The following SUFU variants were observed in gnomAD, a reference collection of about 807,000 sequenced individuals.
SUFU encodes the protein SUFU negative regulator of hedgehog signaling, also known as suppressor of fused homolog.
In SUFU, 7 loss-of-function variants were observed where a neutral mutation model predicts 58.9. The ratio of observed to expected loss-of-function variants is 0.12; its 90% CI spans 0.07 to 0.22. The LOEUF is 0.22. SUFU is among the 10% of genes least tolerant of loss of function. SUFU has a pLI of 1.00. For missense variants in SUFU, 451 were observed against 641.3 expected, an observed-to-expected ratio of 0.70 and a Z score of 3.20; for synonymous variants, 232 against 254.8, an observed-to-expected ratio of 0.91 and a Z score of 0.85.
intron 7 of SUFU, among the ~76,000 whole-genome samples, chr10:102,598,714 T>C (rs1251132988): frequency 6.6e-6 from 1 of 152,228 alleles, no homozygotes; most frequent in Non-Finnish European, 1.5e-5. Flanking sequence ...GGCCACTCTT[T>C]GAGCAACTAA....
At chr10:102,532,455 G>A (rs944805569) in intron 2 of SUFU, among the ~76,000 whole-genome samples, 4 of 152,204 alleles carry the variant, frequency 2.6e-5, no homozygotes, top group Non-Finnish European at 5.9e-5. Context: ...GCTCATCTGA[G>A]TGCTATGCTT....
intron 2 of SUFU, among the ~76,000 whole-genome samples, chr10:102,515,967 G>A (rs1400410027): frequency 1.3e-5 from 2 of 152,130 alleles, no homozygotes; most frequent in African/African-American, 4.8e-5. Flanking sequence ...GGCGTCCTTT[G>A]TCACGGCCCA....
chr10:102,529,881 G>A (rs1015937328), intron 2 of SUFU, among the ~76,000 whole-genome samples: 30 of 151,226 alleles, frequency 2.0e-4, no homozygotes, highest in Non-Finnish European at 3.2e-4. Context: ...GGAGGCAGAG[G>A]TTGCAGTGAG....
intron 10 of SUFU, among the ~76,000 whole-genome samples, chr10:102,621,297 G>C (rs373800122): frequency 6.6e-6 from 1 of 152,170 alleles, no homozygotes; most frequent in African/African-American, 2.4e-5. Context: ...TGTCCAGGGG[G>C]ACACCCATTA....
At chr10:102,527,922 A>G (rs184959744) in intron 2 of SUFU, among the ~76,000 whole-genome samples, 6 of 152,350 alleles carry the variant, frequency 3.9e-5, no homozygotes, top group African/African-American at 1.4e-4. Context: ...ACTTAGGCAC[A>G]GAGGGCACCT....
intron 5 of SUFU, 98 bp from the exon 6 acceptor site, chr10:102,593,894 TG>T: frequency 6.8e-7 from 1 of 1,473,990 alleles, no homozygotes; most frequent in Non-Finnish European, 9.5e-7. Flanking sequence ...ACTATTCCCC[TG>T]TGTCCTAGGC....
At chr10:102,592,102 C>T (rs764042504) in intron 3 of SUFU, among the ~76,000 whole-genome samples, 4 of 152,148 alleles carry the variant, frequency 2.6e-5, no homozygotes, top group Non-Finnish European at 4.4e-5. Flanking sequence ...CTCCAAGGTT[C>T]GATGTTTCCT....
intron 8 of SUFU, among the ~76,000 whole-genome samples, chr10:102,605,903 G>A (rs1207082650): frequency 6.6e-6 from 1 of 152,128 alleles, no homozygotes; most frequent in African/African-American, 2.4e-5. Flanking sequence ...CAAGGAGAAG[G>A]CCCCAAGTCG....
chr10:102,596,454 G>C (rs1335997980), intron 6 of SUFU, among the ~76,000 whole-genome samples: 1 of 152,186 alleles, frequency 6.6e-6, no homozygotes, highest in African/African-American at 2.4e-5. Context: ...CCTGCACAAA[G>C]GCAGGGTCTC....
intron 3 of SUFU, chr10:102,591,642 GCTGT>G (rs1026137765): frequency 1.3e-5 from 2 of 152,024 alleles, no homozygotes; most frequent in African/African-American, 4.8e-5. Context: ...AAAAAAAGGT[GCTGT>G]CTAAGATATA....
chr10:102,621,326 T>C (rs1346346188), intron 10 of SUFU, among the ~76,000 whole-genome samples: 1 of 152,114 alleles, frequency 6.6e-6, no homozygotes, highest in African/African-American at 2.4e-5. Context: ...AGCCCAGCAA[T>C]GCGCCTGGGG....
chr10:102,531,081 C>CA (rs2062672410), intron 2 of SUFU, among the ~76,000 whole-genome samples: 1 of 26,700 alleles, frequency 3.7e-5, no homozygotes, highest in African/African-American at 1.4e-4. Context: ...CCCATTTCTA[C>CA]CAAAAAAAAA....
intron 3 of SUFU, chr10:102,579,896 A>G (rs2063255163): frequency 5.1e-6 from 5 of 983,172 alleles, no homozygotes; most frequent in Non-Finnish European, 6.0e-6. Flanking sequence ...CTTCTACCAC[A>G]TGACCAAGTT....
At chr10:102,615,163 A>C (rs1280528218) in intron 8 of SUFU, 105 bp from the exon 9 acceptor site, 1 of 1,512,370 alleles carries the variant, frequency 6.6e-7, no homozygotes, top group African/African-American at 1.4e-5. Flanking sequence ...ATCATCAGTC[A>C]CCATTATTGT....
chr10:102,553,126 A>G (rs983256927), intron 3 of SUFU, among the ~76,000 whole-genome samples: 1 of 152,134 alleles, frequency 6.6e-6, no homozygotes, highest in African/African-American at 2.4e-5. Context: ...TTGACTTTCT[A>G]TTTTCCAGAT....
intron 3 of SUFU, among the ~76,000 whole-genome samples, chr10:102,568,796 C>T (rs2063120198): frequency 6.9e-6 from 1 of 145,422 alleles, no homozygotes; most frequent in Admixed American, 7.0e-5. Flanking sequence ...ATCACTTGAA[C>T]CTGGGAGGCG....
intron 3 of SUFU, among the ~76,000 whole-genome samples, chr10:102,588,463 T>C (rs1245576881): frequency 6.6e-6 from 1 of 152,140 alleles, no homozygotes; most frequent in Non-Finnish European, 1.5e-5. Context: ...CTCTCAATTC[T>C]ATTACATTGA....
In SUFU at chr10:102,599,489, G is replaced by A. The variant is rs1420089970; in HGVS notation, c.967G>A (p.Val323Ile). ...AGGACTCGAGATCAACAGCAAACCT[G>A]TCCTTCCACCAATCAACCCTCAGCG... is the stretch of plus-strand genomic sequence containing the variant. ...RRGLEINSKPVLPPINPQRQN... is the reference protein window; with the variant it reads ...RRGLEINSKPILPPINPQRQN... Residue 323 changes from valine to isoleucine, a missense_variant, in exon 8 of 12, where the codon GTC (valine) becomes ATC (isoleucine). Physicochemically the swap from Val to Ile is conservative, Grantham distance 29. Transcript: ENST00000369902. The A allele has an allele frequency of 8.1e-6, 13 of 1,614,052 alleles. No homozygotes were observed. The highest frequency in any genetic ancestry group is 1.1e-5 in the Non-Finnish European group (13 of 1,180,042).
At position 102,633,511 on chromosome 10, in the gene SUFU, G is replaced by T. The variant is rs12251065; in HGVS notation, c.*3356G>T. On this transcript the variant is annotated 3_prime_UTR_variant, in exon 12 of 12. Coordinates refer to ENST00000369902, the MANE Select transcript of SUFU (RefSeq NM_016169.4). ...CTGAAGTAGTGGAGCCGGAAGCCCG[G>T]GGCCCTGGCAGAGGGAGTGGGTTGT... is the stretch of plus-strand genomic sequence containing the variant. 0.012 allele frequency: 2,592 copies of T among 211,456 alleles called. 68 individuals carry two copies. Among genetic ancestry groups the T allele is most frequent in the African/African-American group, 0.056 (2,453 of 44,164 alleles). 13.1% of individuals were successfully genotyped at this position (211,456 alleles called of 1,614,324 possible).
Sources: allele counts gnomAD v4.1 joint callset (sites outside exome capture counted in the v4.1 genomes callset), GRCh38; gene constraint gnomAD v4.1.1; transcripts MANE v1.5; gene names NCBI Gene and HGNC (gene_info 2026-07-23, HGNC 2026-07-21).